Variants in AXDND1 observed in about 807,000 individuals in gnomAD.
AXDND1 encodes axonemal dynein light chain domain containing 1.
In AXDND1, 110 loss-of-function variants were observed where a neutral mutation model predicts 137.5. The ratio of observed to expected loss-of-function variants is 0.80; its 90% confidence interval spans 0.69 to 0.94. The LOEUF (loss-of-function observed/expected upper bound fraction) is 0.94, where lower values mean the gene tolerates loss of function less well. Ranked by LOEUF, AXDND1 falls within the 40% of genes least tolerant of loss-of-function variation. AXDND1 has a pLI of 0.00. For synonymous variants in AXDND1, 414 were observed against 399.7 expected (o/e 1.04, Z -0.43); for missense variants, 1,191 against 1,169.8 (o/e 1.02, Z -0.26).
chr1:179,532,402 A>G (rs1480714551), intron 23 of AXDND1, among the ~76,000 whole-genome samples: 1 of 151,744 alleles, frequency 6.6e-6, no homozygotes, highest in Non-Finnish European at 1.5e-5. Context: ...CTGCTCTGAA[A>G]CCCTTTCTTT....
chr1:179,518,567 G>T (rs144339343), intron 21 of AXDND1, among the ~76,000 whole-genome samples: 1 of 152,180 alleles, frequency 6.6e-6, no homozygotes, highest in African/African-American at 2.4e-5. Context: ...AAAGGCCCCA[G>T]TATGTATTGT....
At chr1:179,498,283 G>T (rs1667656917) in intron 20 of AXDND1, among the ~76,000 whole-genome samples, 1 of 151,656 alleles carries the variant, frequency 6.6e-6, no homozygotes, top group Non-Finnish European at 1.5e-5. Context: ...AAAACAGCAT[G>T]GTACTGGTAC....
At chr1:179,503,769 A>T (rs928013228) in intron 20 of AXDND1, among the ~76,000 whole-genome samples, 2 of 151,500 alleles carry the variant, frequency 1.3e-5, no homozygotes, top group African/African-American at 4.9e-5. Context: ...ATGTGTTCTC[A>T]TTGTTCAATT....
intron 12 of AXDND1, among the ~76,000 whole-genome samples, chr1:179,422,504 A>C (rs865993889): frequency 4.6e-5 from 7 of 152,150 alleles, no homozygotes; most frequent in Non-Finnish European, 1.0e-4. Context: ...AAAATACTCT[A>C]TATGATTTCT....
At chr1:179,386,901 A>AT (rs939871130) in intron 9 of AXDND1, among the ~76,000 whole-genome samples, 60 of 148,796 alleles carry the variant, frequency 4.0e-4, no homozygotes, top group East Asian at 2.2e-3. Flanking sequence ...ATTTTTTTGT[A>AT]TTTTTTTTTG....
chr1:179,411,173 T>C lies in AXDND1; in HGVS notation c.1137T>C (p.Tyr379=). Residue 379 remains tyrosine, a synonymous_variant, in exon 12 of 26, where the codon TAT becomes TAC. Coordinates refer to ENST00000367618, the MANE Select transcript of AXDND1 (RefSeq NM_144696.6). The part of the protein sequence containing the change: ...AKIVEEYHDL[Y]TLQRERMEND... Reference sequence around the variant, plus strand: ...TAGTAGAAGAATATCATGACTTATATACATTACAAAGAGAAAGGATGGAGA... The same window carrying C: ...TAGTAGAAGAATATCATGACTTATACACATTACAAAGAGAAAGGATGGAGA... The C allele has an allele frequency of 3.1e-6, 5 of 1,607,594 alleles. No individual in the cohort carries two copies. Among genetic ancestry groups the C allele is most frequent in the Non-Finnish European group, 4.3e-6 (5 of 1,176,124 alleles).
chr1:179,409,316 T>G (rs12738920), intron 11 of AXDND1, among the ~76,000 whole-genome samples: 44,521 of 151,906 alleles, frequency 0.29, 6,733 homozygotes, highest in Non-Finnish European at 0.31. Context: ...GCAACTTTAC[T>G]GAATTTGTAT....
At chr1:179,437,993 A>G (rs1658465240) in intron 15 of AXDND1, among the ~76,000 whole-genome samples, 1 of 151,962 alleles carries the variant, frequency 6.6e-6, no homozygotes, top group Non-Finnish European at 1.5e-5. Context: ...CTCTACTACA[A>G]ATACAAAAAT....
At chr1:179,445,677 T>C (rs1659639439) in intron 16 of AXDND1, among the ~76,000 whole-genome samples, 2 of 152,212 alleles carry the variant, frequency 1.3e-5, no homozygotes, top group African/African-American at 4.8e-5. Context: ...GTTTTAGCAA[T>C]TATCAGTACT....
upstream of AXDND1, chr1:179,365,726 C>G (rs1667317409): frequency 6.6e-6 from 1 of 152,622 alleles, no homozygotes; most frequent in East Asian, 1.9e-4. Flanking sequence ...GCGCACTGGC[C>G]TGGCCCGCGG....
At chr1:179,548,331 A>T (rs11586725) in intron 25 of AXDND1, among the ~76,000 whole-genome samples, 38,263 of 152,102 alleles carry the variant, frequency 0.25, 5,417 homozygotes, top group East Asian at 0.42. Flanking sequence ...TTTAATCACA[A>T]CTCTGTGAGG....
At chr1:179,448,260 A>G (rs756385020) in intron 16 of AXDND1, 29 of 786,374 alleles carry the variant, frequency 3.7e-5, no homozygotes, top group Admixed American at 2.4e-4. Flanking sequence ...CTTGAGAAGA[A>G]CTTTGTCCAT....
intron 4 of AXDND1, among the ~76,000 whole-genome samples, chr1:179,372,130 G>A (rs1209585284): frequency 5.9e-5 from 9 of 152,266 alleles, no homozygotes; most frequent in African/African-American, 2.2e-4. Context: ...ACAACTAATA[G>A]TATGCATAAC....
At chr1:179,414,066 A>G (rs774502515) in intron 12 of AXDND1, among the ~76,000 whole-genome samples, 3 of 152,204 alleles carry the variant, frequency 2.0e-5, no homozygotes, top group Non-Finnish European at 4.4e-5. Context: ...GTTGCTGAAT[A>G]TAAGATAAAT....
At chr1:179,427,057 G>A (rs2125296651) in intron 12 of AXDND1, among the ~76,000 whole-genome samples, 1 of 152,198 alleles carries the variant, frequency 6.6e-6, no homozygotes, top group East Asian at 1.9e-4. Flanking sequence ...CCAGCTACTC[G>A]GGAGGCTGAG....
chr1:179,497,432 A>C (rs1168884601), intron 20 of AXDND1, among the ~76,000 whole-genome samples: 1 of 152,174 alleles, frequency 6.6e-6, no homozygotes, highest in Non-Finnish European at 1.5e-5. Flanking sequence ...TAGACCCAGA[A>C]AAAGCTTTCA....
At chr1:179,540,297 C>A (rs1448672517) in intron 25 of AXDND1, among the ~76,000 whole-genome samples, 1 of 152,132 alleles carries the variant, frequency 6.6e-6, no homozygotes, top group Admixed American at 6.5e-5. Context: ...AATTTTCAGC[C>A]TTTCTGTGCT....
At chr1:179,376,068 TATAGTC>T (rs1479084397) in intron 4 of AXDND1, among the ~76,000 whole-genome samples, 1 of 152,194 alleles carries the variant, frequency 6.6e-6, no homozygotes, top group Non-Finnish European at 1.5e-5. Flanking sequence ...TTGCAACTGT[TATAGTC>T]ATTCTAAAAT....
intron 23 of AXDND1, among the ~76,000 whole-genome samples, chr1:179,533,316 A>G (rs1056659750): frequency 3.9e-5 from 6 of 152,142 alleles, no homozygotes; most frequent in African/African-American, 1.4e-4. Context: ...GGCAAGATCT[A>G]CATCTTTAAC....
Sources: gnomAD v4.1 joint callset for allele counts (sites outside exome capture counted in the v4.1 genomes callset) on GRCh38, gnomAD v4.1.1 for gene constraint, MANE v1.5 for transcripts, NCBI Gene and HGNC (gene_info 2026-07-23, HGNC 2026-07-21) for gene names.